Variants in NACC1 observed in about 807,000 individuals in gnomAD.
NACC1 encodes the protein nucleus accumbens associated 1, also known as nucleus accumbens-associated protein 1.
A neutral mutation model predicts 41.7 loss-of-function variants in NACC1; 6 were observed. The ratio of observed to expected loss-of-function variants is 0.14; its 90% confidence interval spans 0.08 to 0.28. NACC1 has a LOEUF of 0.28. Ranked by LOEUF, NACC1 falls within the 10% of genes least tolerant of loss-of-function variation. The probability of loss-of-function intolerance (pLI) is 1.00; values close to 1 mark genes in which losing one functional copy is unlikely to be tolerated. For missense variants in NACC1, 434 were observed against 763.7 expected (o/e 0.57, Z 5.09); for synonymous variants, 338 against 330.6 (o/e 1.02, Z -0.24).
In NACC1 at chr19:13,137,636, C is replaced by A; in HGVS notation, c.1324+61C>A. On this transcript the variant is annotated intron_variant, in intron 5 of 5. Coordinates refer to ENST00000292431, the MANE Select transcript of NACC1 (RefSeq NM_052876.4). The surrounding 1 kb of genome is among the most constrained non-coding windows in gnomAD (Gnocchi z 6.1). ...GGGGCACGCAGGTTGACGTTTTTTC[C>A]CAGCCTTGGCTCTCAGAGAGGGCTA... is the stretch of plus-strand genomic sequence containing the variant. The A allele has an allele frequency of 7.2e-7, 1 of 1,398,328 alleles. No individual in the cohort carries two copies. Among genetic ancestry groups the A allele is most frequent in the Non-Finnish European group, 9.8e-7 (1 of 1,018,216 alleles). 86.6% of individuals were successfully genotyped at this position (1,398,328 alleles called of 1,614,324 possible). A position where few individuals can be genotyped will look rare whatever the true frequency, so the allele number is the denominator to read the frequency against.
At chr19:13,125,698 G>A (rs1206113159) in intron 1 of NACC1, among the ~76,000 whole-genome samples, 2 of 152,032 alleles carry the variant, frequency 1.3e-5, no homozygotes, top group East Asian at 3.9e-4. Context: ...GGGATTACAG[G>A]CGTGAGCCAC....
At chr19:13,128,607 G>A (rs933575561) in intron 1 of NACC1, among the ~76,000 whole-genome samples, 1 of 152,150 alleles carries the variant, frequency 6.6e-6, no homozygotes, top group African/African-American at 2.4e-5. Flanking sequence ...ATCCACTACT[G>A]CCCTTCCTAG....
rs2019709047 is a variant in NACC1, at chr19:13,136,461, T to TG, written c.1120+59dup. The TG allele has an allele frequency of 6.5e-7, 1 of 1,536,628 alleles. No homozygotes were observed. The highest frequency in any genetic ancestry group is 1.4e-5 in the African/African-American group (1 of 72,618). On this transcript the variant is annotated intron_variant, in intron 3 of 5. Transcript: ENST00000292431. The surrounding 1 kb of genome is among the most constrained non-coding windows in gnomAD (Gnocchi z 5.5). ...TCCGCAGCTTTGGAGCCGGCTGGCC[T>TG]GGGCTGGGCTGGGCAGCTGGTTAGG...
At chr19:13,133,412 C>G (rs1045874108) in intron 1 of NACC1, among the ~76,000 whole-genome samples, 1 of 152,064 alleles carries the variant, frequency 6.6e-6, no homozygotes, top group African/African-American at 2.4e-5. Flanking sequence ...CCTTTGCTTT[C>G]CCTCACCACA....
chr19:13,119,485 C>A (rs1161934714), intron 1 of NACC1, among the ~76,000 whole-genome samples: 1 of 152,106 alleles, frequency 6.6e-6, no homozygotes, highest in African/African-American at 2.4e-5. Flanking sequence ...GCAGACGTTA[C>A]CTGGGTATTT....
At chr19:13,133,590 C>T (rs551881570) in intron 1 of NACC1, among the ~76,000 whole-genome samples, 1 of 152,290 alleles carries the variant, frequency 6.6e-6, no homozygotes, top group East Asian at 1.9e-4. Flanking sequence ...CATGTTGTAG[C>T]ATGTGTCAGA....
In NACC1 at chr19:13,135,821, A is replaced by G; in HGVS notation, c.614A>G (p.Lys205Arg). Residue 205 changes from lysine to arginine, a missense_variant, in exon 2 of 6, where the codon AAG becomes AGG. By Grantham distance (26) the Lys-to-Arg change is conservative. Around this residue, in one of 4 missense-constraint regions of NACC1, gnomAD observed 234 missense variants for 308.3 expected, o/e 0.76. Coordinates refer to ENST00000292431, the MANE Select transcript of NACC1 (RefSeq NM_052876.4). Reference sequence around the variant, plus strand: ...GGCAATGGCAGCCGCAAGATGGCCAAGTTCTCCACGCCGGACCTGGCTGCC... The same window carrying G: ...GGCAATGGCAGCCGCAAGATGGCCAGGTTCTCCACGCCGGACCTGGCTGCC... ...GGGNGSRKMAKFSTPDLAANR... is the reference protein window; with the variant it reads ...GGGNGSRKMARFSTPDLAANR... The G allele has an allele frequency of 6.4e-7, 1 of 1,554,152 alleles. No individual in the cohort carries two copies. The highest frequency in any genetic ancestry group is 8.7e-7 in the Non-Finnish European group (1 of 1,151,052).
rs2019753501 is a variant in NACC1, at chr19:13,139,374, G to A, written c.*968G>A. On this transcript the variant is annotated 3_prime_UTR_variant, in exon 6 of 6. Transcript: ENST00000292431. ...TTTTTTTAGCGAATGAAATATTGAA[G>A]TATAAGATTCCTTTTATTTTTCAAA... 1 of 152,052 alleles carries A rather than the reference G, an allele frequency of 6.6e-6. No individual in the cohort carries two copies. Among genetic ancestry groups the A allele is most frequent in the African/African-American group, 2.4e-5 (1 of 41,388 alleles). 9.4% of individuals were successfully genotyped at this position (152,052 alleles called of 1,614,324 possible). A position where few individuals can be genotyped will look rare whatever the true frequency, so the allele number is the denominator to read the frequency against.
Position 13,137,529 on chromosome 19 carries a change from T to A in NACC1, c.1278T>A (p.Asp426Glu). 6.3e-7 allele frequency: 1 copy of A among 1,578,586 alleles called. No individual in the cohort carries two copies. The highest frequency in any genetic ancestry group is 8.6e-7 in the Non-Finnish European group (1 of 1,161,490). Residue 426 changes from aspartate to glutamate, a missense_variant, in exon 5 of 6, where the codon GAT (aspartate) becomes GAA (glutamate). Asp to Glu is a conservative substitution (Grantham distance 45, BLOSUM62 2). Coordinates refer to ENST00000292431, the MANE Select transcript of NACC1 (RefSeq NM_052876.4). This position sits in a 1 kb window ranked among gnomAD's most constrained non-coding sequence, Gnocchi z 6.1. ...CGTGIRSSTN[D>E]PRRKPLDSRV... ...CCGGCATCCGCTCTTCTACCAACGATCCCCGTCGGAAGCCCCTGGACAGCC... is the reference window on the plus strand; with the variant it reads ...CCGGCATCCGCTCTTCTACCAACGAACCCCGTCGGAAGCCCCTGGACAGCC...
rs757105655 is a variant in NACC1 at position 13,138,116 on chromosome 19, G to A, written c.1325-31G>A. The A allele has an allele frequency of 3.9e-5, 62 of 1,606,066 alleles. 1 individual carries two copies. Among genetic ancestry groups the A allele is most frequent in the South Asian group, 6.6e-5 (6 of 90,596 alleles). On this transcript the variant is annotated intron_variant, in intron 5 of 5. Coordinates refer to ENST00000292431, the MANE Select transcript of NACC1 (RefSeq NM_052876.4). This position sits in a 1 kb window ranked among gnomAD's most constrained non-coding sequence, Gnocchi z 5.7. ...GCCTTGTGGGAGTCACCTGGCCCCC[G>A]TGCCAAGGCCGCACCCACCCTGCCC...
intron 1 of NACC1, among the ~76,000 whole-genome samples, chr19:13,125,639 C>G (rs1001066191): frequency 2.6e-5 from 4 of 152,096 alleles, no homozygotes. Context: ...AGGCTGATCT[C>G]GAACTCCTGA....
At chr19:13,124,407 GAAAA>G (rs567659345) in intron 1 of NACC1, among the ~76,000 whole-genome samples, 1 of 150,234 alleles carries the variant, frequency 6.7e-6, no homozygotes, top group African/African-American at 2.4e-5. Context: ...CAACAAAAAA[GAAAA>G]AAAAATACTG....
At chr19:13,134,154 C>G (rs1039011304) in intron 1 of NACC1, among the ~76,000 whole-genome samples, 1 of 151,998 alleles carries the variant, frequency 6.6e-6, no homozygotes, top group Non-Finnish European at 1.5e-5. Flanking sequence ...CTGGGCTCAA[C>G]AACAGATCCA....
In NACC1 at chr19:13,139,757, C is replaced by T. The variant is rs577683607; in HGVS notation, c.*1351C>T. 6.6e-6 allele frequency: 1 copy of T among 152,612 alleles called. No homozygotes were observed. The highest frequency in any genetic ancestry group is 2.4e-5 in the African/African-American group (1 of 41,502). The allele number at this position is 152,612 out of a possible 1,614,324, so 9.5% of individuals were successfully genotyped here. A position where few individuals can be genotyped will look rare whatever the true frequency, so the allele number is the denominator to read the frequency against. On this transcript the variant is annotated 3_prime_UTR_variant, in exon 6 of 6. Transcript: ENST00000292431. ...CAGAATTTTCTCTTTTACCATTCCT[C>T]TCTTTTTGTTCTCGCCCAGAGTGGG...
chr19:13,126,815 T>C (rs527772624), intron 1 of NACC1, among the ~76,000 whole-genome samples: 1 of 152,230 alleles, frequency 6.6e-6, no homozygotes, highest in African/African-American at 2.4e-5. Context: ...AATTCTTTGT[T>C]CATTTTTTCC....
rs540357570 is a variant in NACC1 at position 13,138,006 on chromosome 19, C to T, written c.1325-141C>T. 5.5e-5 allele frequency: 67 copies of T among 1,217,088 alleles called. No homozygotes were observed. In the East Asian group the frequency reaches 8.9e-4, roughly 16 times the overall value. 75.4% of individuals were successfully genotyped at this position (1,217,088 alleles called of 1,614,324 possible). ...TCAGTCCGGTGTAGGGTTGGGTGCA[C>T]GTAGTGTGGTGTCCTGGCCGCGTGG... On this transcript the variant is annotated intron_variant, in intron 5 of 5. Transcript: ENST00000292431. This position sits in a 1 kb window ranked among gnomAD's most constrained non-coding sequence, Gnocchi z 5.7.
At chr19:13,134,394 A>C in intron 1 of NACC1, among the ~76,000 whole-genome samples, 1 of 145,130 alleles carries the variant, frequency 6.9e-6, no homozygotes, top group Non-Finnish European at 1.5e-5. Flanking sequence ...TTTTTTTGAG[A>C]CAGTCTTACT....
intron 1 of NACC1, 79 bp from the exon 2 acceptor site, chr19:13,135,121 G>A (rs966865903): frequency 7.6e-6 from 11 of 1,452,622 alleles, no homozygotes; most frequent in Non-Finnish European, 1.0e-5. Flanking sequence ...TGGGGCCAGG[G>A]CTAGGCCAGC....
At chr19:13,129,615 C>T (rs991900451) in intron 1 of NACC1, among the ~76,000 whole-genome samples, 4 of 152,206 alleles carry the variant, frequency 2.6e-5, no homozygotes, top group Non-Finnish European at 4.4e-5. Flanking sequence ...CGCTCGTCCC[C>T]AGCAGCATGG....
Sources: gnomAD v4.1 joint callset for allele counts (sites outside exome capture counted in the v4.1 genomes callset) on GRCh38, gnomAD v4.1.1 for gene constraint, gnomAD v4.1.1 regional missense constraint, Gnocchi (gnomAD v3.1) non-coding constraint, MANE v1.5 for transcripts, NCBI Gene and HGNC (gene_info 2026-07-23, HGNC 2026-07-21) for gene names.